The following ATG3 variants were observed in gnomAD, a reference collection of about 807,000 sequenced individuals.
ATG3 encodes ubiquitin-like-conjugating enzyme ATG3.
ATG3 carries 25 observed loss-of-function variants against 50.7 expected under a neutral mutation model. The ratio of observed to expected loss-of-function variants is 0.49; its 90% CI spans 0.36 to 0.69. The LOEUF (loss-of-function observed/expected upper bound fraction) is 0.69. Ranked by LOEUF, ATG3 falls within the 30% of genes least tolerant of loss-of-function variation. The probability of loss-of-function intolerance (pLI) is 0.00; values close to 1 mark genes in which losing one functional copy is unlikely to be tolerated. For synonymous variants in ATG3, 119 were observed against 125.5 expected (o/e 0.95, Z 0.34); for missense variants, 281 against 376.0 (o/e 0.75, Z 2.09).
chr3:112,544,167 A>G (rs1933309478), intron 5 of ATG3, 61 bp from the exon 6 acceptor site: 5 of 1,323,310 alleles, frequency 3.8e-6, no homozygotes, highest in Non-Finnish European at 5.3e-6. Flanking sequence ...CTATTTACTT[A>G]TTAAAGCAAT....
rs56353465 is a variant in ATG3, at chr3:112,536,920, CAAAAAAAAAAAAAAAAAAAAAAAAAAA to C, written c.667-345_667-319del. On this transcript the variant is annotated intron_variant, in intron 9 of 11. Coordinates refer to ENST00000283290, the MANE Select transcript of ATG3 (RefSeq NM_022488.5). The stretch of plus-strand genomic sequence containing the variant: ...TGGGCGACAGAGCGAGACTCCATCT[CAAAAAAAAAAAAAAAAAAAAAAAAAAA>C]AAAAAAAAAAAAAAAGAAATTACTA... Among the ~76,000 whole-genome samples, 143 of 68,422 alleles carry C rather than the reference CAAAAAAAAAAAAAAAAAAAAAAAAAAA, an allele frequency of 2.1e-3. 1 individual carries two copies. The highest frequency in any genetic ancestry group is 8.3e-3 in the African/African-American group (133 of 15,932). 44.9% of individuals were successfully genotyped at this position (68,422 alleles called of 152,430 possible). A position where few individuals can be genotyped will look rare whatever the true frequency, so the allele number is the denominator to read the frequency against.
chr3:112,534,017 T>C, intron 11 of ATG3: 2 of 1,210,012 alleles, frequency 1.7e-6, no homozygotes, highest in Non-Finnish European at 2.1e-6. Context: ...ATATTATTAT[T>C]CTAAATTAGT....
At chr3:112,551,314 T>C (rs1453255298) in intron 3 of ATG3, among the ~76,000 whole-genome samples, 2 of 152,174 alleles carry the variant, frequency 1.3e-5, no homozygotes, top group African/African-American at 2.4e-5. Context: ...AATTCAACAA[T>C]GTCATGGCAA....
At chr3:112,544,944 T>C (rs1396139275) in intron 5 of ATG3, among the ~76,000 whole-genome samples, 1 of 152,208 alleles carries the variant, frequency 6.6e-6, no homozygotes, top group African/African-American at 2.4e-5. Context: ...TTTTGGCTTT[T>C]GGAACATTTC....
At position 112,537,747 on chromosome 3, in the gene ATG3, A is replaced by G; in HGVS notation, c.654T>C (p.Phe218=). The change falls in exon 9 of 12, where the codon TTT becomes TTC. Residue 218 remains phenylalanine, a synonymous_variant. Transcript: ENST00000283290. ...TTTTCATTTTTACCTCATCATAGCC[A>G]AACAACCATAATCGTGGAGTCTGGT... ...KYYQTPRLWL[F]GYDEQRQPLT... The G allele has an allele frequency of 1.3e-6, 2 of 1,575,812 alleles. No individual in the cohort carries two copies. The highest frequency in any genetic ancestry group is 1.7e-6 in the Non-Finnish European group (2 of 1,165,964).
At chr3:112,552,246 GC>G (rs1426349239) in intron 3 of ATG3, among the ~76,000 whole-genome samples, 7 of 152,068 alleles carry the variant, frequency 4.6e-5, no homozygotes, top group Admixed American at 6.6e-5. Flanking sequence ...TAAAAGTTCT[GC>G]CAATATTGGG....
intron 11 of ATG3, chr3:112,533,947 T>C (rs949138448): frequency 3.7e-6 from 4 of 1,095,596 alleles, no homozygotes; most frequent in Non-Finnish European, 4.4e-6. Flanking sequence ...TTTTACCTGA[T>C]GGGAAAGTAC....
At chr3:112,555,527 T>C (rs1933646008) in intron 2 of ATG3, among the ~76,000 whole-genome samples, 1 of 152,238 alleles carries the variant, frequency 6.6e-6, no homozygotes, top group Admixed American at 6.5e-5. Context: ...ATTAGTTTTT[T>C]CTTTGTTTTT....
chr3:112,541,331 G>A (rs1459621569), intron 7 of ATG3, among the ~76,000 whole-genome samples: 2 of 151,696 alleles, frequency 1.3e-5, no homozygotes, highest in Non-Finnish European at 2.9e-5. Context: ...CGGTTGCAGT[G>A]AGCAGAGATC....
chr3:112,554,268 C>T (rs1933604981), intron 2 of ATG3, among the ~76,000 whole-genome samples: 1 of 152,182 alleles, frequency 6.6e-6, no homozygotes, highest in African/African-American at 2.4e-5. Context: ...TCTAGATGTG[C>T]TGAAGCAACT....
At chr3:112,534,156 T>C (rs1277601114) in intron 11 of ATG3, 113 bp downstream of exon 11, 1 of 1,476,958 alleles carries the variant, frequency 6.8e-7, no homozygotes, top group South Asian at 1.4e-5. Flanking sequence ...GATTTTCAGA[T>C]GAGAAGTTAA....
intron 9 of ATG3, 70 bp from the exon 10 acceptor site, chr3:112,536,672 A>T: frequency 1.9e-6 from 3 of 1,552,542 alleles, no homozygotes; most frequent in Non-Finnish European, 2.6e-6. Flanking sequence ...CTGTAATCCC[A>T]GCACTGTGGG....
chr3:112,551,517 A>T (rs549456546), intron 3 of ATG3, among the ~76,000 whole-genome samples: 62 of 152,308 alleles, frequency 4.1e-4, no homozygotes, highest in Non-Finnish European at 7.2e-4. Context: ...AAAGTATTTA[A>T]ATCACTCTAA....
At chr3:112,536,774 A>G (rs1342370588) in intron 9 of ATG3, 172 bp from the exon 10 acceptor site, 1 of 582,818 alleles carries the variant, frequency 1.7e-6, no homozygotes, top group African/African-American at 1.9e-5. Flanking sequence ...ATAAAAAATT[A>G]GCCGGGCAGG....
chr3:112,540,762 A>G (rs1873572), intron 7 of ATG3, among the ~76,000 whole-genome samples: 23,279 of 151,414 alleles, frequency 0.15, 4,113 homozygotes, highest in African/African-American at 0.43. Flanking sequence ...CCAAGAGAGA[A>G]AAAAAAAAGA....
rs747263569 is a variant in ATG3 at position 112,548,644 on chromosome 3, T to TA, written c.236-5dup. The TA allele has an allele frequency of 7.9e-5, 126 of 1,591,440 alleles. No homozygotes were observed. The highest frequency in any genetic ancestry group is 1.1e-4 in the African/African-American group (8 of 74,558). On this transcript the variant is annotated splice_region_variant and splice_polypyrimidine_tract_variant and intron_variant, in intron 4 of 11. Transcript: ENST00000283290. ...TTGCACCGCTTATAGCACGGCACTA[T>TA]AAAAAAAATGGTAAATACAGTTAAC...
At chr3:112,553,392 T>G in intron 2 of ATG3, 63 bp from the exon 3 acceptor site, 1 of 1,476,890 alleles carries the variant, frequency 6.8e-7, no homozygotes, top group Non-Finnish European at 9.5e-7. Context: ...TCACTGAATG[T>G]GCAAGGTGGC....
At chr3:112,559,757 CAG>C (rs1933790265) in intron 1 of ATG3, among the ~76,000 whole-genome samples, 1 of 152,208 alleles carries the variant, frequency 6.6e-6, no homozygotes, top group Non-Finnish European at 1.5e-5. Context: ...CAACAGCAGT[CAG>C]GGGATGGAGC....
rs368101879 is a variant in ATG3, at chr3:112,547,530, A to G, written c.343+1003T>C. On this transcript the variant is annotated intron_variant, in intron 5 of 11. Coordinates refer to ENST00000283290, the MANE Select transcript of ATG3 (RefSeq NM_022488.5). ...GAGCACATTTTCTTCATCAAAACTA[A>G]GTAATAAATGGTAGTTAGCTTCAGC... 4.1e-4 allele frequency among the ~76,000 whole-genome samples: 62 copies of G among 152,386 alleles called. No homozygotes were observed. In the South Asian group the frequency reaches 0.012, roughly 31 times the overall value.
Sources: gnomAD v4.1 joint callset for allele counts (sites outside exome capture counted in the v4.1 genomes callset) on GRCh38, gnomAD v4.1.1 for gene constraint, MANE v1.5 for transcripts, NCBI Gene and HGNC (gene_info 2026-07-23, HGNC 2026-07-21) for gene names.